ZZEF1: variants seen among roughly 807,000 people sequenced by gnomAD.
The protein encoded by ZZEF1 is zinc finger ZZ-type and EF-hand domain-containing protein 1.
In ZZEF1, 157 loss-of-function variants were observed where a neutral mutation model predicts 342.8. The ratio of observed to expected loss-of-function variants is 0.46; its 90% confidence interval spans 0.40 to 0.52. ZZEF1 has a LOEUF of 0.52. Among genes scored for constraint, ZZEF1 ranks in the 20% least tolerant of loss-of-function variants. ZZEF1 has a pLI of 0.00. For synonymous variants in ZZEF1, 1,505 were observed against 1,429.1 expected (o/e 1.05, Z -1.20); for missense variants, 3,480 against 3,725.6 (o/e 0.93, Z 1.72).
chr17:4,075,210 C>A (rs1294865299), intron 22 of ZZEF1, 32 bp from the exon 23 acceptor site: 2 of 1,613,834 alleles, frequency 1.2e-6, no homozygotes, highest in Admixed American at 3.3e-5. Flanking sequence ...TAGCTTCCTT[C>A]TCTCATTGCT....
At chr17:4,040,536 GGAAGA>G (rs2056780800) in intron 39 of ZZEF1, among the ~76,000 whole-genome samples, 1 of 152,026 alleles carries the variant, frequency 6.6e-6, no homozygotes, top group African/African-American at 2.4e-5. Flanking sequence ...CACTTTATTC[GGAAGA>G]GAAGGTAAAA....
chr17:4,008,454 A>C lies in ZZEF1; in HGVS notation c.8805+429T>G, dbSNP rs545364837. The C allele has an allele frequency of 7.1e-6, 6 of 840,558 alleles. No homozygotes were observed. Among genetic ancestry groups the C allele is most frequent in the Non-Finnish European group, 8.6e-6 (6 of 695,664 alleles). 52.1% of individuals were successfully genotyped at this position (840,558 alleles called of 1,614,324 possible). ...TCTAATGGCACATATGGATATATGC[A>C]TAATAGACATATCCAAAAGCTTTCT... On this transcript the variant is annotated intron_variant, in intron 54 of 54. Transcript: ENST00000381638. This position sits in a 1 kb window ranked among gnomAD's most constrained non-coding sequence, Gnocchi z 4.2.
chr17:4,064,297 C>G, intron 29 of ZZEF1, 64 bp downstream of exon 29: 2 of 1,294,304 alleles, frequency 1.5e-6, no homozygotes, highest in Non-Finnish European at 2.1e-6. Context: ...CTTCAAGCCT[C>G]TGACTAGACT....
chr17:4,071,905 T>G (rs542504704), intron 25 of ZZEF1, among the ~76,000 whole-genome samples: 1 of 152,072 alleles, frequency 6.6e-6, no homozygotes, highest in African/African-American at 2.4e-5. Flanking sequence ...GAAGTCTTGG[T>G]GGGCTGTGGG....
chr17:4,115,842 GTTAA>G (rs2058385476), intron 3 of ZZEF1, among the ~76,000 whole-genome samples: 1 of 152,098 alleles, frequency 6.6e-6, no homozygotes, highest in Non-Finnish European at 1.5e-5. Flanking sequence ...TGTGAGCAAG[GTTAA>G]TTTTCATACA....
At chr17:4,048,925 G>A (rs1005062771) in intron 37 of ZZEF1, among the ~76,000 whole-genome samples, 15 of 136,288 alleles carry the variant, frequency 1.1e-4, no homozygotes, top group Admixed American at 2.4e-4. Flanking sequence ...TCACCCTGTT[G>A]GCCAGGCTGG....
At chr17:4,056,078 T>C (rs1364639439) in intron 33 of ZZEF1, 138 bp downstream of exon 33, 12 of 921,700 alleles carry the variant, frequency 1.3e-5, no homozygotes, top group Middle Eastern at 3.8e-4. Flanking sequence ...CATTCAGCGG[T>C]TGGGGACCCC....
chr17:4,126,270 T>C (rs111480303), intron 1 of ZZEF1, among the ~76,000 whole-genome samples: 3 of 143,460 alleles, frequency 2.1e-5, no homozygotes, highest in African/African-American at 7.8e-5. Flanking sequence ...TGGGAAAAAA[T>C]GCCTACACCC....
At chr17:4,111,460 C>CATGAGGT (rs2058297320) in intron 5 of ZZEF1, among the ~76,000 whole-genome samples, 1 of 151,894 alleles carries the variant, frequency 6.6e-6, no homozygotes, top group African/African-American at 2.4e-5. Flanking sequence ...TAGTTCGAGA[C>CATGAGGT]CAGTCTGTCC....
At chr17:4,051,877 A>C in intron 35 of ZZEF1, 94 bp downstream of exon 35, 1 of 1,345,472 alleles carries the variant, frequency 7.4e-7, no homozygotes, top group Non-Finnish European at 1.0e-6. Context: ...ATTTTTAAAT[A>C]AAAAAAACTT....
At chr17:4,038,300 T>C (rs1398733812) in intron 39 of ZZEF1, among the ~76,000 whole-genome samples, 3 of 152,216 alleles carry the variant, frequency 2.0e-5, no homozygotes, top group Non-Finnish European at 4.4e-5. Context: ...AAGTTTGGCC[T>C]GCATTCAGAT....
intron 40 of ZZEF1, chr17:4,033,509 G>A (rs1332698141): frequency 1.2e-5 from 2 of 165,218 alleles, no homozygotes; most frequent in South Asian, 1.5e-4. Flanking sequence ...CACCATGTCC[G>A]GCTAATTTTC....
At chr17:4,105,429 A>G (rs1374035254) in intron 7 of ZZEF1, among the ~76,000 whole-genome samples, 1 of 152,182 alleles carries the variant, frequency 6.6e-6, no homozygotes, top group Non-Finnish European at 1.5e-5. Context: ...ACTTTGAGAC[A>G]TCTGTTCTAT....
At chr17:4,063,122 C>A (rs1044852654) in intron 29 of ZZEF1, among the ~76,000 whole-genome samples, 2 of 152,206 alleles carry the variant, frequency 1.3e-5, no homozygotes, top group African/African-American at 4.8e-5. Context: ...TTCATGCCAA[C>A]TGTCCAGAAG....
At position 4,057,975 on chromosome 17, in the gene ZZEF1, C is replaced by T. The variant is rs975480029; in HGVS notation, c.5165+19G>A. 2.1e-5 allele frequency: 34 copies of T among 1,612,290 alleles called. No homozygotes were observed. The highest frequency in any genetic ancestry group is 2.2e-5 in the East Asian group (1 of 44,888). Reference sequence around the variant, plus strand: ...ATAACCTACATTAGGAACTGCAGAGCGCAGGACCGTGCTCTTACCTGATCA... The same window carrying T: ...ATAACCTACATTAGGAACTGCAGAGTGCAGGACCGTGCTCTTACCTGATCA... On this transcript the variant is annotated intron_variant, in intron 32 of 54. Coordinates refer to ENST00000381638, the MANE Select transcript of ZZEF1 (RefSeq NM_015113.4).
rs777801052 is a variant in ZZEF1, at chr17:4,086,549, C to T, written c.2449G>A (p.Ala817Thr). 2 of 1,614,044 alleles carry T rather than the reference C, an allele frequency of 1.2e-6. No individual in the cohort carries two copies. Among genetic ancestry groups the T allele is most frequent in the Non-Finnish European group, 8.5e-7 (1 of 1,180,032 alleles). ...DVLAASEEEK[A>T]PIQSPKGVEA... ...ACTCCTTTAGGGCTTTGGATTGGAG[C>T]CTTTTCCTCCTCAGAAGCAGCCAGT... Residue 817 changes from alanine to threonine, a missense_variant, in exon 15 of 55, where the codon GCT (alanine) becomes ACT (threonine). Coordinates refer to ENST00000381638, the MANE Select transcript of ZZEF1 (RefSeq NM_015113.4).
chr17:4,063,555 A>G (rs1246737259), intron 29 of ZZEF1, among the ~76,000 whole-genome samples: 1 of 152,168 alleles, frequency 6.6e-6, no homozygotes, highest in African/African-American at 2.4e-5. Flanking sequence ...TAAATCTTAC[A>G]TGAAAAAATA....
At chr17:4,100,177 A>G (rs2058103879) in intron 9 of ZZEF1, among the ~76,000 whole-genome samples, 2 of 152,206 alleles carry the variant, frequency 1.3e-5, no homozygotes, top group Admixed American at 6.5e-5. Context: ...TTTTACTCCG[A>G]TAAGGGGAAG....
intron 13 of ZZEF1, among the ~76,000 whole-genome samples, chr17:4,087,783 A>AACACACACACACACACACAC (rs10522603): frequency 5.8e-4 from 85 of 146,078 alleles, no homozygotes; most frequent in African/African-American, 1.7e-3. Flanking sequence ...ATATACACAC[A>AACACACACACACACACACAC]ACACACACAC....
Sources: allele counts gnomAD v4.1 joint callset (sites outside exome capture counted in the v4.1 genomes callset), GRCh38; gene constraint gnomAD v4.1.1; non-coding constraint Gnocchi (gnomAD v3.1); transcripts MANE v1.5; gene names NCBI Gene and HGNC (gene_info 2026-07-23, HGNC 2026-07-21).